The following EXOC4 variants were observed in gnomAD, a reference collection of about 807,000 sequenced individuals.
The protein encoded by EXOC4 is exocyst complex component 4, also known as SEC8-like 1.
EXOC4 carries 71 observed loss-of-function variants against 107.2 expected under a neutral mutation model. The observed-to-expected ratio is 0.66, with a 90% CI of 0.55 to 0.81. EXOC4 has a LOEUF of 0.81. Ranked by LOEUF, EXOC4 falls within the 30% of genes least tolerant of loss-of-function variation. EXOC4 has a pLI of 0.00. For synonymous variants in EXOC4, 456 were observed against 441.2 expected (o/e 1.03, Z -0.42); for missense variants, 1,108 against 1,189.6 (o/e 0.93, Z 1.01).
intron 2 of EXOC4, among the ~76,000 whole-genome samples, chr7:133,281,733 G>A (rs1337290695): frequency 7.1e-6 from 1 of 141,618 alleles, no homozygotes; most frequent in East Asian, 2.0e-4. Context: ...AAAGAGTCTC[G>A]CTCTGTTGCC....
intron 10 of EXOC4, among the ~76,000 whole-genome samples, chr7:133,631,115 T>C (rs1481131618): frequency 6.6e-6 from 1 of 152,176 alleles, no homozygotes; most frequent in East Asian, 1.9e-4. Flanking sequence ...GATCCAGATA[T>C]CTAATATATC....
chr7:133,571,679 CA>C (rs79894289), intron 9 of EXOC4, among the ~76,000 whole-genome samples: 45,694 of 112,122 alleles, frequency 0.41, 7,432 homozygotes, highest in African/African-American at 0.53. Flanking sequence ...TGCCTCAAAG[CA>C]AAAAAAAAAA....
chr7:133,676,684 G>T (rs1794064685), intron 10 of EXOC4, among the ~76,000 whole-genome samples: 1 of 151,786 alleles, frequency 6.6e-6, no homozygotes, highest in African/African-American at 2.4e-5. Flanking sequence ...TTTCCCCAAG[G>T]CATTCTTTTC....
intron 7 of EXOC4, among the ~76,000 whole-genome samples, chr7:133,392,659 C>G (rs535261922): frequency 6.6e-6 from 1 of 152,280 alleles, no homozygotes; most frequent in South Asian, 2.1e-4. Flanking sequence ...TGAAAAATTT[C>G]AGGTTCCTGG....
intron 9 of EXOC4, among the ~76,000 whole-genome samples, chr7:133,521,442 G>C (rs968179794): frequency 6.6e-6 from 1 of 152,018 alleles, no homozygotes; most frequent in Non-Finnish European, 1.5e-5. Context: ...TATAAAATTG[G>C]AAAGTATTTA....
In EXOC4 at chr7:133,317,278, G is replaced by T. The variant is rs113651089; in HGVS notation, c.657-6G>T. On this transcript the variant is annotated splice_region_variant and splice_polypyrimidine_tract_variant and intron_variant, in intron 4 of 17. Coordinates refer to ENST00000253861, the MANE Select transcript of EXOC4 (RefSeq NM_021807.4). ...AGTGGTAACTAGTGCTTCTTTTCCC[G>T]TTCAGCTCCCTCGTGAAAGATGCTT... The T allele has an allele frequency of 1.2e-6, 2 of 1,605,690 alleles. No homozygotes were observed. Among genetic ancestry groups the T allele is most frequent in the Admixed American group, 3.3e-5 (2 of 59,914 alleles).
intron 14 of EXOC4, among the ~76,000 whole-genome samples, chr7:133,950,854 A>G (rs1298026665): frequency 6.6e-6 from 1 of 152,228 alleles, no homozygotes; most frequent in Non-Finnish European, 1.5e-5. Context: ...GTCTGCTTCT[A>G]AAAGAGGGAG....
intron 9 of EXOC4, among the ~76,000 whole-genome samples, chr7:133,600,376 A>G (rs1801778635): frequency 1.3e-5 from 2 of 152,142 alleles, no homozygotes; most frequent in African/African-American, 2.4e-5. Context: ...CTCAGAGGAG[A>G]ATATAATTGC....
In EXOC4 at chr7:133,480,076, G is replaced by A; in HGVS notation, c.1355G>A (p.Ser452Asn). The A allele has an allele frequency of 1.9e-6, 3 of 1,614,030 alleles. No homozygotes were observed. The highest frequency in any genetic ancestry group is 2.5e-6 in the Non-Finnish European group (3 of 1,179,900). The change falls in exon 9 of 18, where the codon AGT becomes AAT. Residue 452 changes from serine to asparagine, a missense_variant. Transcript: ENST00000253861. ...FKFESSSHAISMSAYLREQRR... is the reference protein window; with the variant it reads ...FKFESSSHAINMSAYLREQRR... Reference sequence around the variant, plus strand: ...TTCGAATCGTCCTCCCATGCCATCAGTATGAGCGCCTATCTGCGAGAACAG... The same window carrying A: ...TTCGAATCGTCCTCCCATGCCATCAATATGAGCGCCTATCTGCGAGAACAG...
chr7:133,515,002 G>A (rs1490835951), intron 9 of EXOC4, among the ~76,000 whole-genome samples: 1 of 152,124 alleles, frequency 6.6e-6, no homozygotes, highest in Non-Finnish European at 1.5e-5. Flanking sequence ...GATTGATAAA[G>A]TAATATTAAA....
At chr7:133,805,110 T>C (rs1797043031) in intron 10 of EXOC4, among the ~76,000 whole-genome samples, 1 of 152,194 alleles carries the variant, frequency 6.6e-6, no homozygotes, top group Admixed American at 6.5e-5. Context: ...AGGAACTTAA[T>C]TCTAAAAGAG....
chr7:133,825,549 C>G (rs973400955), intron 11 of EXOC4, among the ~76,000 whole-genome samples: 4 of 152,172 alleles, frequency 2.6e-5, no homozygotes, highest in African/African-American at 4.8e-5. Context: ...GATAATTATA[C>G]TGCTGCCCAA....
chr7:133,898,064 A>G (rs1478172884), intron 12 of EXOC4, among the ~76,000 whole-genome samples: 4 of 132,454 alleles, frequency 3.0e-5, no homozygotes, highest in African/African-American at 5.8e-5. Context: ...CTCTACTTCT[A>G]TAAGTTCAAC....
At chr7:133,517,916 G>A (rs551419478) in intron 9 of EXOC4, among the ~76,000 whole-genome samples, 1 of 152,006 alleles carries the variant, frequency 6.6e-6, no homozygotes, top group African/African-American at 2.4e-5. Context: ...CATACTTAGT[G>A]GATTAAAACA....
chr7:134,095,764 C>T, the EXOC4 span, among the ~76,000 whole-genome samples: 1 of 152,036 alleles, frequency 6.6e-6, no homozygotes, highest in Non-Finnish European at 1.5e-5. Flanking sequence ...AACTGGATAG[C>T]CATACGTAGA....
the EXOC4 span, among the ~76,000 whole-genome samples, chr7:134,099,297 C>T: frequency 3.3e-5 from 5 of 152,002 alleles, no homozygotes; most frequent in South Asian, 8.3e-4. Flanking sequence ...TTTCACCATC[C>T]GCCTCATGCT....
At chr7:133,451,259 GAGTGGGT>G (rs1798340790) in intron 7 of EXOC4, among the ~76,000 whole-genome samples, 1 of 150,808 alleles carries the variant, frequency 6.6e-6, no homozygotes, top group Admixed American at 6.6e-5. Flanking sequence ...ATAGATATTT[GAGTGGGT>G]ACGTGGGAGA....
chr7:133,759,547 G>A (rs1775801913), intron 10 of EXOC4, among the ~76,000 whole-genome samples: 1 of 152,158 alleles, frequency 6.6e-6, no homozygotes, highest in Non-Finnish European at 1.5e-5. Flanking sequence ...TGGCTTAATA[G>A]ATTTACATAA....
At chr7:134,035,599 A>T (rs1795371371) in intron 17 of EXOC4, among the ~76,000 whole-genome samples, 2 of 152,166 alleles carry the variant, frequency 1.3e-5, no homozygotes, top group African/African-American at 4.8e-5. Flanking sequence ...AACAGAAAAC[A>T]CTGACTTAAG....
Sources: gnomAD v4.1 joint callset for allele counts (sites outside exome capture counted in the v4.1 genomes callset) on GRCh38, gnomAD v4.1.1 for gene constraint, MANE v1.5 for transcripts, NCBI Gene and HGNC (gene_info 2026-07-23, HGNC 2026-07-21) for gene names.